HDX: variants seen among roughly 807,000 people sequenced by gnomAD.
HDX encodes the protein chromosome X open reading frame 43.
A neutral mutation model predicts 45.2 loss-of-function variants in HDX; 19 were observed. The ratio of observed to expected loss-of-function variants is 0.42; its 90% CI spans 0.29 to 0.62. The LOEUF (loss-of-function observed/expected upper bound fraction) is 0.62, where lower values mean the gene tolerates loss of function less well. HDX is among the 20% of genes least tolerant of loss of function. HDX has a pLI of 0.20. For missense variants in HDX, 532 were observed against 493.9 expected (o/e 1.08, Z -0.73); for synonymous variants, 188 against 172.8 (o/e 1.09, Z -0.69).
intron 1 of HDX, among the ~76,000 whole-genome samples, chrX:84,491,353 A>G (rs145129856): frequency 0.046 from 5,171 of 111,842 alleles, 299 homozygotes; most frequent in African/African-American, 0.16. Flanking sequence ...TTCATATGCT[A>G]TATTTTGTCT....
intron 4 of HDX, among the ~76,000 whole-genome samples, chrX:84,442,819 T>C (rs868134277): frequency 3.0e-4 from 33 of 111,354 alleles, no homozygotes; most frequent in African/African-American, 8.8e-4. Context: ...CTAGAAAATA[T>C]ATGATAAACC....
At chrX:84,348,213 A>G (rs934771070) in intron 6 of HDX, among the ~76,000 whole-genome samples, 14 of 111,565 alleles carry the variant, frequency 1.3e-4, no homozygotes, top group African/African-American at 3.9e-4. Flanking sequence ...ATATATCATC[A>G]AGTTCAGAAA....
chrX:84,346,525 G>C (rs2037209767), intron 6 of HDX, among the ~76,000 whole-genome samples: 1 of 111,210 alleles, frequency 9.0e-6, no homozygotes, highest in Non-Finnish European at 1.9e-5. Context: ...TATTGGCAGA[G>C]GGCTAGCCAC....
chrX:84,366,388 G>A (rs773842188), intron 5 of HDX, among the ~76,000 whole-genome samples: 1 of 111,729 alleles, frequency 9.0e-6, no homozygotes, highest in African/African-American at 3.3e-5. Context: ...AATCAATATC[G>A]TGAAAATGGC....
chrX:84,459,984 C>G (rs913121412), intron 4 of HDX, among the ~76,000 whole-genome samples: 2 of 111,218 alleles, frequency 1.8e-5, no homozygotes, highest in African/African-American at 6.5e-5. Flanking sequence ...CAAAATTGAA[C>G]CATTAAAGCA....
intron 5 of HDX, among the ~76,000 whole-genome samples, chrX:84,425,813 T>C (rs914036025): frequency 9.2e-6 from 1 of 108,443 alleles, no homozygotes; most frequent in African/African-American, 3.4e-5. Flanking sequence ...CTGGGAAGGG[T>C]AGTGGGGAGG....
intron 4 of HDX, among the ~76,000 whole-genome samples, chrX:84,444,953 A>C (rs752416144): frequency 8.9e-6 from 1 of 111,880 alleles, no homozygotes; most frequent in South Asian, 3.7e-4. Flanking sequence ...TATTTTACAC[A>C]ATTTAGACCC....
chrX:84,425,452 G>A (rs1258623650), intron 5 of HDX, among the ~76,000 whole-genome samples: 2 of 111,670 alleles, frequency 1.8e-5, no homozygotes, highest in African/African-American at 6.5e-5. Flanking sequence ...TGATCCAGCA[G>A]TCCCACTGCT....
At chrX:84,442,535 T>A (rs1191679393) in intron 4 of HDX, among the ~76,000 whole-genome samples, 2 of 110,737 alleles carry the variant, frequency 1.8e-5, no homozygotes, top group Non-Finnish European at 3.8e-5. Flanking sequence ...ATGCTAGGGG[T>A]TAATGAGAAG....
intron 5 of HDX, among the ~76,000 whole-genome samples, chrX:84,393,508 G>A (rs757562150): frequency 6.3e-5 from 7 of 110,688 alleles, no homozygotes; most frequent in Non-Finnish European, 1.1e-4. Flanking sequence ...TTATTTTCTT[G>A]TTTTGGTATC....
intron 6 of HDX, among the ~76,000 whole-genome samples, chrX:84,357,267 G>A (rs1010329762): frequency 9.0e-6 from 1 of 111,472 alleles, no homozygotes; most frequent in Non-Finnish European, 1.9e-5. Context: ...ATTTCTCTAA[G>A]ATGATGGAAT....
intron 5 of HDX, among the ~76,000 whole-genome samples, chrX:84,438,348 T>A (rs1371955075): frequency 1.8e-5 from 2 of 111,658 alleles, no homozygotes; most frequent in Non-Finnish European, 3.8e-5. Context: ...TTTTTATGTA[T>A]CCTATCCATT....
chrX:84,389,482 C>T (rs767511725), intron 5 of HDX, among the ~76,000 whole-genome samples: 1 of 111,146 alleles, frequency 9.0e-6, no homozygotes, highest in Admixed American at 9.6e-5. Flanking sequence ...TCTTGGCTAC[C>T]TACTCCAGAG....
At chrX:84,388,336 T>A (rs938196596) in intron 5 of HDX, among the ~76,000 whole-genome samples, 2 of 111,383 alleles carry the variant, frequency 1.8e-5, no homozygotes, top group Non-Finnish European at 3.8e-5. Context: ...TTTCTTGGAT[T>A]GCATGTCAAC....
At chrX:84,418,559 T>G (rs2039169500) in intron 5 of HDX, among the ~76,000 whole-genome samples, 2 of 111,380 alleles carry the variant, frequency 1.8e-5, no homozygotes. Context: ...CTATTGGGAT[T>G]TGGCAACAGA....
At chrX:84,349,010 C>T (rs2037270069) in intron 6 of HDX, among the ~76,000 whole-genome samples, 1 of 111,448 alleles carries the variant, frequency 9.0e-6, no homozygotes, top group Non-Finnish European at 1.9e-5. Flanking sequence ...GAGTAAAACT[C>T]ACAAAAGTGT....
At chrX:84,354,792 T>C (rs2037435241) in intron 6 of HDX, among the ~76,000 whole-genome samples, 2 of 106,699 alleles carry the variant, frequency 1.9e-5, no homozygotes, top group Admixed American at 2.1e-4. Flanking sequence ...TCTGTTTCGG[T>C]AGGTCTAGAA....
chrX:84,478,734 C>A (rs2040607960), intron 2 of HDX, among the ~76,000 whole-genome samples: 1 of 110,476 alleles, frequency 9.1e-6, no homozygotes, highest in Non-Finnish European at 1.9e-5. Context: ...TGGCATGTGC[C>A]TGTAGTCCTA....
intron 5 of HDX, among the ~76,000 whole-genome samples, chrX:84,405,588 CT>C (rs55758874): frequency 0.2 from 11,263 of 57,423 alleles, 400 homozygotes; most frequent in South Asian, 0.28. Context: ...GGATTTTCTG[CT>C]TTTTTTTTTT....
Sources: gnomAD v4.1 joint callset for allele counts (sites outside exome capture counted in the v4.1 genomes callset) on GRCh38, gnomAD v4.1.1 for gene constraint, MANE v1.5 for transcripts, NCBI Gene and HGNC (gene_info 2026-07-23, HGNC 2026-07-21) for gene names.